Variants in OSBPL9 observed in about 807,000 individuals in gnomAD.
OSBPL9 encodes the protein oxysterol binding protein like 9.
OSBPL9 carries 40 observed loss-of-function variants against 106.6 expected under a neutral mutation model. The observed-to-expected ratio is 0.38, with a 90% CI of 0.29 to 0.49. OSBPL9 has a LOEUF of 0.49. OSBPL9 is among the 20% of genes least tolerant of loss of function. The probability of loss-of-function intolerance (pLI) is 0.97; values close to 1 mark genes in which losing one functional copy is unlikely to be tolerated. For missense variants in OSBPL9, 609 were observed against 887.2 expected (o/e 0.69, Z 3.98); for synonymous variants, 269 against 295.4 (o/e 0.91, Z 0.92).
intron 20 of OSBPL9, 97 bp from the exon 21 acceptor site, chr1:51,785,711 T>C (rs1192957081): frequency 1.0e-6 from 1 of 995,098 alleles, no homozygotes; most frequent in Non-Finnish European, 1.5e-6. Flanking sequence ...TCACAGTTGC[T>C]CTTCTGTGCT....
At chr1:51,702,217 T>C (rs574360609) in intron 3 of OSBPL9, among the ~76,000 whole-genome samples, 71 of 152,292 alleles carry the variant, frequency 4.7e-4, no homozygotes, top group Non-Finnish European at 7.2e-4. Flanking sequence ...CCTGAGGAAT[T>C]GCCACACTGA....
intron 8 of OSBPL9, among the ~76,000 whole-genome samples, chr1:51,754,583 C>G (rs1365598066): frequency 6.6e-6 from 1 of 152,050 alleles, no homozygotes; most frequent in Non-Finnish European, 1.5e-5. Flanking sequence ...TGTTGATTAT[C>G]CTAAGTCTAG....
At chr1:51,744,759 T>A (rs1391168039) in intron 4 of OSBPL9, among the ~76,000 whole-genome samples, 1 of 152,160 alleles carries the variant, frequency 6.6e-6, no homozygotes, top group Non-Finnish European at 1.5e-5. Context: ...CAGAGAAGAT[T>A]AAGAACTCAA....
At chr1:51,650,370 C>T (rs374704722) in intron 1 of OSBPL9, among the ~76,000 whole-genome samples, 5 of 152,074 alleles carry the variant, frequency 3.3e-5, no homozygotes, top group African/African-American at 1.2e-4. Flanking sequence ...ATTTTCAAAT[C>T]TAATTATTAT....
intron 1 of OSBPL9, among the ~76,000 whole-genome samples, chr1:51,580,924 A>G (rs1570528411): frequency 3.8e-3 from 1 of 264 alleles, no homozygotes; most frequent in African/African-American, 0.019. Context: ...ATATATATAT[A>G]TATATATATA....
intron 2 of OSBPL9, among the ~76,000 whole-genome samples, chr1:51,606,682 A>T (rs775776352): frequency 3.3e-5 from 5 of 152,232 alleles, no homozygotes; most frequent in African/African-American, 1.2e-4. Context: ...GTACTTTTTT[A>T]AAATATATTT....
intron 3 of OSBPL9, among the ~76,000 whole-genome samples, chr1:51,708,308 T>C (rs1383003871): frequency 1.3e-5 from 2 of 151,272 alleles, no homozygotes; most frequent in Non-Finnish European, 2.9e-5. Flanking sequence ...ATTTCCACTA[T>C]GGTTAGAGAA....
chr1:51,701,265 A>C (rs1381715471), intron 3 of OSBPL9, among the ~76,000 whole-genome samples: 1 of 152,170 alleles, frequency 6.6e-6, no homozygotes, highest in Non-Finnish European at 1.5e-5. Context: ...AAAGGAAGAG[A>C]TGTCTCATCT....
the OSBPL9 span, among the ~76,000 whole-genome samples, chr1:51,552,847 A>G: frequency 7.3e-5 from 11 of 150,570 alleles, no homozygotes; most frequent in East Asian, 1.9e-3. Context: ...CTTGTCTTGA[A>G]CTCCTGACCT....
intron 4 of OSBPL9, 43 bp from the exon 5 acceptor site, chr1:51,745,493 T>C: frequency 6.3e-7 from 1 of 1,596,470 alleles, no homozygotes; most frequent in South Asian, 1.1e-5. Context: ...TATTAAACTT[T>C]GCTTGGGTTC....
chr1:51,654,903 A>G (rs1490465268), intron 2 of OSBPL9, among the ~76,000 whole-genome samples: 1 of 152,112 alleles, frequency 6.6e-6, no homozygotes, highest in Admixed American at 6.6e-5. Context: ...GGTGGTTTCC[A>G]GGGGTTGGGA....
intron 3 of OSBPL9, among the ~76,000 whole-genome samples, chr1:51,701,850 A>G (rs1657335416): frequency 6.6e-6 from 1 of 151,706 alleles, no homozygotes; most frequent in African/African-American, 2.4e-5. Flanking sequence ...TCCTGTGTCC[A>G]TGTGTTCTCG....
chr1:51,546,513 C>A, the OSBPL9 span, among the ~76,000 whole-genome samples: 1 of 151,694 alleles, frequency 6.6e-6, no homozygotes, highest in African/African-American at 2.4e-5. Context: ...CTGGCTAACA[C>A]GGTGAAAACC....
intron 4 of OSBPL9, among the ~76,000 whole-genome samples, chr1:51,738,395 A>T (rs550460447): frequency 5.3e-5 from 8 of 152,186 alleles, no homozygotes; most frequent in African/African-American, 1.9e-4. Context: ...TTTCTTTGTA[A>T]ATTTAAAGAT....
chr1:51,650,642 T>C (rs1198352506), intron 1 of OSBPL9, among the ~76,000 whole-genome samples: 1 of 152,246 alleles, frequency 6.6e-6, no homozygotes, highest in Non-Finnish European at 1.5e-5. Flanking sequence ...CTCAAGACTT[T>C]GGATGTAGGG....
At chr1:51,744,875 G>A (rs1667654661) in intron 4 of OSBPL9, among the ~76,000 whole-genome samples, 1 of 152,162 alleles carries the variant, frequency 6.6e-6, no homozygotes, top group Non-Finnish European at 1.5e-5. Context: ...CTTTTAGACC[G>A]AGAAATAAGT....
upstream of OSBPL9, among the ~76,000 whole-genome samples, chr1:51,612,238 CTT>C (rs937420726): frequency 5.3e-4 from 80 of 152,294 alleles, 1 homozygote; most frequent in African/African-American, 1.7e-3. Flanking sequence ...TTAAAACTCT[CTT>C]TGTCTTCTTA....
intron 3 of OSBPL9, among the ~76,000 whole-genome samples, chr1:51,688,107 T>C (rs1654216650): frequency 6.6e-6 from 1 of 152,144 alleles, no homozygotes; most frequent in Admixed American, 6.5e-5. Flanking sequence ...TTTAGGTAGC[T>C]TACAAAACTT....
At chr1:51,591,363 C>T (rs1168302137) in intron 1 of OSBPL9, among the ~76,000 whole-genome samples, 2 of 152,198 alleles carry the variant, frequency 1.3e-5, no homozygotes, top group African/African-American at 4.8e-5. Context: ...TGAGCCACCA[C>T]CCCTGCCCAC....
Sources: gnomAD v4.1 joint callset for allele counts (sites outside exome capture counted in the v4.1 genomes callset) on GRCh38, gnomAD v4.1.1 for gene constraint, MANE v1.5 for transcripts, NCBI Gene and HGNC (gene_info 2026-07-23, HGNC 2026-07-21) for gene names.